C1GALT1: variants seen among roughly 807,000 people sequenced by gnomAD.
C1GALT1 encodes core 1 synthase, glycoprotein-N-acetylgalactosamine 3-beta-galactosyltransferase 1.
C1GALT1 carries 11 observed loss-of-function variants against 31.0 expected under a neutral mutation model. The ratio of observed to expected loss-of-function variants is 0.36; its 90% confidence interval spans 0.22 to 0.59. C1GALT1 has a LOEUF of 0.59. C1GALT1 is among the 20% of genes least tolerant of loss of function. The probability of loss-of-function intolerance (pLI) is 0.79; values close to 1 mark genes in which losing one functional copy is unlikely to be tolerated. For missense variants in C1GALT1, 424 were observed against 425.2 expected (o/e 1.00, Z 0.03); for synonymous variants, 175 against 143.6 (o/e 1.22, Z -1.56).
At chr7:7,174,749 TTTTTA>T (rs1489786686) in intron 2 of C1GALT1, among the ~76,000 whole-genome samples, 1 of 152,000 alleles carries the variant, frequency 6.6e-6, no homozygotes, top group Non-Finnish European at 1.5e-5. Flanking sequence ...CACTTAGATT[TTTTTA>T]TTTTTATTTT....
intron 1 of C1GALT1, among the ~76,000 whole-genome samples, chr7:7,226,489 A>G (rs572430274): frequency 6.6e-6 from 1 of 152,314 alleles, no homozygotes; most frequent in Admixed American, 6.5e-5. Context: ...TGGTGAAAGA[A>G]TATTCTTGAA....
intron 2 of C1GALT1, among the ~76,000 whole-genome samples, chr7:7,235,598 C>T (rs574965554): frequency 7.2e-5 from 11 of 152,258 alleles, no homozygotes; most frequent in Admixed American, 6.5e-5. Context: ...GTAAGCCGTA[C>T]GAGGCCTCAC....
chr7:7,220,685 C>A (rs1782469958), intron 1 of C1GALT1, among the ~76,000 whole-genome samples: 1 of 151,582 alleles, frequency 6.6e-6, no homozygotes, highest in South Asian at 2.1e-4. Context: ...CCACGCCCAG[C>A]TGATTTTTGT....
At chr7:7,171,578 T>C (rs1780454794) in intron 2 of C1GALT1, among the ~76,000 whole-genome samples, 1 of 152,182 alleles carries the variant, frequency 6.6e-6, no homozygotes, top group African/African-American at 2.4e-5. Context: ...AATCCATTTA[T>C]ATCTAAAATA....
Position 7,192,078 on chromosome 7 carries a change from C to T in C1GALT1, c.-18+9258C>T, listed in dbSNP as rs144568774. On this transcript the variant is annotated intron_variant, in intron 1 of 3. Coordinates refer to ENST00000436587, the MANE Select transcript of C1GALT1 (RefSeq NM_020156.5). ...TCATGAAGCTCTTTTGTTCAATGTT[C>T]TAAGAATTTTATAGTTTTAGGTCTT... is the stretch of plus-strand genomic sequence containing the variant. 2.0e-3 allele frequency among the ~76,000 whole-genome samples: 309 copies of T among 151,928 alleles called. 1 individual carries two copies. Among genetic ancestry groups the T allele is most frequent in the African/African-American group, 7.0e-3 (290 of 41,438 alleles).
chr7:7,169,115 T>C lies in C1GALT1; in HGVS notation c.-18+11689T>C, dbSNP rs117907169. On this transcript the variant is annotated intron_variant, in intron 2 of 3. Coordinates refer to the C1GALT1 transcript ENST00000429911. ...ATATAAGTGGAATTATACAATACTT[T>C]GTCATTTCTCTGGCTTATTTCACTT... Among the ~76,000 whole-genome samples, 504 of 152,354 alleles carry C rather than the reference T, an allele frequency of 3.3e-3. 3 individuals carry two copies. The highest frequency in any genetic ancestry group is 6.8e-3 in the Middle Eastern group (2 of 294).
intron 1 of C1GALT1, among the ~76,000 whole-genome samples, chr7:7,212,431 T>A (rs1228909371): frequency 6.6e-6 from 1 of 152,212 alleles, no homozygotes; most frequent in East Asian, 1.9e-4. Context: ...AAATGGATTC[T>A]TACTGCACTA....
chr7:7,160,984 C>T (rs1056247917), intron 2 of C1GALT1, among the ~76,000 whole-genome samples: 1 of 151,964 alleles, frequency 6.6e-6, no homozygotes, highest in Non-Finnish European at 1.5e-5. Flanking sequence ...AGAATTTATG[C>T]AACTGAAATC....
chr7:7,194,258 C>G (rs1439208123), intron 1 of C1GALT1, among the ~76,000 whole-genome samples: 1 of 152,128 alleles, frequency 6.6e-6, no homozygotes, highest in Non-Finnish European at 1.5e-5. Flanking sequence ...TTCCAGATCT[C>G]AGGGGAAATG....
At chr7:7,204,097 G>GTTTTTTTTTTTT (rs74853892) in intron 1 of C1GALT1, among the ~76,000 whole-genome samples, 1 of 129,650 alleles carries the variant, frequency 7.7e-6, no homozygotes. Context: ...CTCCTCTTCT[G>GTTTTTTTTTTTT]TTTTTTTTTT....
intron 1 of C1GALT1, among the ~76,000 whole-genome samples, chr7:7,208,481 A>G (rs144501763): frequency 1.7e-3 from 252 of 151,896 alleles, no homozygotes; most frequent in African/African-American, 5.4e-3. Context: ...GTGAATTTCT[A>G]TTTTCCCTTG....
intron 1 of C1GALT1, among the ~76,000 whole-genome samples, chr7:7,192,232 T>G (rs931727646): frequency 5.9e-5 from 9 of 152,002 alleles, no homozygotes; most frequent in African/African-American, 2.2e-4. Flanking sequence ...GAGATTTGGG[T>G]GCACCCCTCA....
In C1GALT1 at chr7:7,234,410, T is replaced by G; in HGVS notation, c.91T>G (p.Leu31Val). The G allele has an allele frequency of 6.2e-7, 1 of 1,613,916 alleles. No homozygotes were observed. The highest frequency in any genetic ancestry group is 1.1e-5 in the South Asian group (1 of 91,074). The change falls in exon 2 of 4, where the codon TTG (leucine) becomes GTG (valine). Residue 31 changes from leucine (L) to valine (V), a missense_variant. By Grantham distance (32) the Leu-to-Val change is conservative (BLOSUM62 1). This residue lies in a region of C1GALT1 where 189 missense variants were observed against 158.2 expected (regional missense o/e 1.19). Coordinates refer to ENST00000436587, the MANE Select transcript of C1GALT1 (RefSeq NM_020156.5). ...LLCSQLFSILLGEKVDTQPNV... is the reference protein window; with the variant it reads ...LLCSQLFSILVGEKVDTQPNV... ...ATGTTCTCAGCTATTTAGTATTTTGTTGGGAGAAAAGGTTGACACCCAGCC... is the reference window on the plus strand; with the variant it reads ...ATGTTCTCAGCTATTTAGTATTTTGGTGGGAGAAAAGGTTGACACCCAGCC...
chr7:7,181,492 T>G (rs1462464922), upstream of C1GALT1, among the ~76,000 whole-genome samples: 2 of 152,234 alleles, frequency 1.3e-5, no homozygotes, highest in Non-Finnish European at 2.9e-5. Context: ...AATCACTACA[T>G]GTGCTTTATG....
At chr7:7,186,246 T>A (rs1216302869) in intron 1 of C1GALT1, among the ~76,000 whole-genome samples, 2 of 152,172 alleles carry the variant, frequency 1.3e-5, no homozygotes, top group Admixed American at 6.5e-5. Context: ...ATTTAAAGAC[T>A]CCAGCTCTCA....
intron 2 of C1GALT1, among the ~76,000 whole-genome samples, chr7:7,175,596 C>T (rs1336468008): frequency 6.6e-6 from 1 of 152,132 alleles, no homozygotes; most frequent in Non-Finnish European, 1.5e-5. Flanking sequence ...CTGTGTTTTC[C>T]AGCTTTTTCT....
chr7:7,233,968 G>A (rs1022349931), intron 1 of C1GALT1, among the ~76,000 whole-genome samples: 14 of 151,468 alleles, frequency 9.2e-5, no homozygotes, highest in Middle Eastern at 3.4e-3. Context: ...GTAGACTTCC[G>A]TACTCAGAGT....
intron 1 of C1GALT1, among the ~76,000 whole-genome samples, chr7:7,218,995 G>A (rs13234717): frequency 0.15 from 22,253 of 151,602 alleles, 1,996 homozygotes; most frequent in Middle Eastern, 0.27. Flanking sequence ...CACCACACCC[G>A]GCTAATTTTT....
At chr7:7,224,964 C>A (rs750693206) in intron 1 of C1GALT1, among the ~76,000 whole-genome samples, 2 of 152,094 alleles carry the variant, frequency 1.3e-5, no homozygotes, top group Non-Finnish European at 2.9e-5. Flanking sequence ...CACCCTCTTC[C>A]CTCCCTCCAG....
Sources: allele counts gnomAD v4.1 joint callset (sites outside exome capture counted in the v4.1 genomes callset), GRCh38; gene constraint gnomAD v4.1.1; regional missense constraint gnomAD v4.1.1; transcripts MANE v1.5; gene names NCBI Gene and HGNC (gene_info 2026-07-23, HGNC 2026-07-21).